Variants in CAST observed in about 807,000 individuals in gnomAD.
The protein encoded by CAST is MIR583 host.
A neutral mutation model predicts 119.6 loss-of-function variants in CAST; 76 were observed. The ratio of observed to expected loss-of-function variants is 0.64; its 90% CI spans 0.53 to 0.77. The LOEUF (loss-of-function observed/expected upper bound fraction) is 0.77. CAST is among the 30% of genes least tolerant of loss of function. The probability of loss-of-function intolerance (pLI) is 0.00; values close to 1 mark genes in which losing one functional copy is unlikely to be tolerated. For missense variants in CAST, 953 were observed against 946.5 expected (o/e 1.01, Z -0.09); for synonymous variants, 319 against 331.6 (o/e 0.96, Z 0.41).
intron 2 of CAST, among the ~76,000 whole-genome samples, chr5:96,693,278 C>T (rs559076319): frequency 6.6e-6 from 1 of 152,318 alleles, no homozygotes; most frequent in East Asian, 1.9e-4. Context: ...AGTTAAAAAA[C>T]ATTTCGTTTA....
the CAST span, among the ~76,000 whole-genome samples, chr5:96,153,530 G>A: frequency 6.6e-6 from 1 of 152,134 alleles, no homozygotes; most frequent in South Asian, 2.1e-4. Context: ...TTTTATTCTT[G>A]CATTGGGCCC....
chr5:96,415,978 G>T, the CAST span: 1 of 1,073,548 alleles, frequency 9.3e-7, no homozygotes, highest in Non-Finnish European at 1.5e-6. Context: ...TTTACAATGG[G>T]TGATGTAAGC....
At chr5:96,469,976 A>T in the CAST span, among the ~76,000 whole-genome samples, 34 of 150,746 alleles carry the variant, frequency 2.3e-4, no homozygotes, top group Non-Finnish European at 1.8e-4. Context: ...ACATGATGTA[A>T]ATTAAAATGC....
chr5:95,962,352 T>G, the CAST span, among the ~76,000 whole-genome samples: 1 of 152,152 alleles, frequency 6.6e-6, no homozygotes, highest in Non-Finnish European at 1.5e-5. Flanking sequence ...GCTGTGGAAC[T>G]TGGTGCGTGC....
the CAST span, among the ~76,000 whole-genome samples, chr5:96,131,977 G>T: frequency 6.6e-6 from 1 of 152,086 alleles, no homozygotes; most frequent in Admixed American, 6.6e-5. Flanking sequence ...AGTCTAGAAA[G>T]CAAAAGCCAG....
At chr5:96,521,839 C>T (rs1163887903), upstream of CAST, among the ~76,000 whole-genome samples, 1 of 152,176 alleles carries the variant, frequency 6.6e-6, no homozygotes, top group East Asian at 1.9e-4. Flanking sequence ...AATGACTAGG[C>T]CGGGTGCGGT....
In CAST at chr5:96,581,893, A is replaced by AAAATAAATAAAT. The variant is rs10631862; in HGVS notation, c.60+52029_60+52040dup. ...GCGACAGAGCGAAACTCTGTCTCAA[A>AAAATAAATAAAT]AAATAAATAAATAAATAAATAAATA... On this transcript the variant is annotated intron_variant, in intron 1 of 11. Transcript: ENST00000505143. 1.4e-3 allele frequency among the ~76,000 whole-genome samples: 205 copies of AAAATAAATAAAT among 149,326 alleles called. 3 individuals are homozygous for AAAATAAATAAAT. The East Asian group carries it at 0.024, about 17-fold the overall frequency.
chr5:96,019,444 T>C, the CAST span, among the ~76,000 whole-genome samples: 1 of 152,202 alleles, frequency 6.6e-6, no homozygotes, highest in Non-Finnish European at 1.5e-5. Context: ...GGACTTGCTC[T>C]GGGGGAGCAA....
chr5:96,045,722 G>T, the CAST span, among the ~76,000 whole-genome samples: 1 of 152,138 alleles, frequency 6.6e-6, no homozygotes, highest in African/African-American at 2.4e-5. Flanking sequence ...CCTGCTGAAG[G>T]TCACATAGTA....
chr5:96,695,244 G>A (rs1280474618), intron 2 of CAST, among the ~76,000 whole-genome samples: 1 of 152,094 alleles, frequency 6.6e-6, no homozygotes, highest in Non-Finnish European at 1.5e-5. Flanking sequence ...AGAGTACTTA[G>A]AATAACGTTC....
chr5:96,538,429 T>C (rs1482513945), intron 1 of CAST, among the ~76,000 whole-genome samples: 1 of 152,232 alleles, frequency 6.6e-6, no homozygotes, highest in Non-Finnish European at 1.5e-5. Context: ...GAAAGCCTTT[T>C]GGAAATCAAC....
At chr5:96,662,333 C>T (rs1172715502), upstream of CAST, 14 of 1,134,064 alleles carry the variant, frequency 1.2e-5, 2 homozygotes, top group Non-Finnish European at 1.6e-5. Context: ...CCCTCCCTCC[C>T]TCCCTCTCTC....
At chr5:96,261,775 T>C in the CAST span, among the ~76,000 whole-genome samples, 2 of 152,236 alleles carry the variant, frequency 1.3e-5, no homozygotes, top group Admixed American at 1.3e-4. Context: ...TAAATACTTT[T>C]AGTTAATTTA....
At chr5:96,393,064 A>G in the CAST span, 14 of 1,614,072 alleles carry the variant, frequency 8.7e-6, no homozygotes, top group South Asian at 1.3e-4. Flanking sequence ...TGTGCTTGTA[A>G]GGTTTAGTGT....
At chr5:96,315,553 C>T in the CAST span, among the ~76,000 whole-genome samples, 1 of 152,188 alleles carries the variant, frequency 6.6e-6, no homozygotes, top group Non-Finnish European at 1.5e-5. Flanking sequence ...GGTGAAGTCA[C>T]TGACCATATG....
chr5:96,072,372 G>A, the CAST span, among the ~76,000 whole-genome samples: 1 of 152,244 alleles, frequency 6.6e-6, no homozygotes, highest in African/African-American at 2.4e-5. Flanking sequence ...TACGGCTGGA[G>A]AACATGAATT....
At chr5:96,207,409 C>T in the CAST span, among the ~76,000 whole-genome samples, 2 of 151,982 alleles carry the variant, frequency 1.3e-5, no homozygotes, top group Non-Finnish European at 2.9e-5. Flanking sequence ...CCAGCTTTTG[C>T]CCATTCAGTA....
the CAST span, among the ~76,000 whole-genome samples, chr5:96,147,079 C>T: frequency 2.0e-5 from 3 of 152,186 alleles, no homozygotes; most frequent in Non-Finnish European, 4.4e-5. Flanking sequence ...TTTAGTGCCC[C>T]ATGTTCTGTG....
chr5:96,027,760 C>A, the CAST span, among the ~76,000 whole-genome samples: 2 of 152,058 alleles, frequency 1.3e-5, no homozygotes, highest in Non-Finnish European at 2.9e-5. Flanking sequence ...CCAAAATATC[C>A]TTGCAACTTT....
Sources: gnomAD v4.1 joint callset for allele counts (sites outside exome capture counted in the v4.1 genomes callset) on GRCh38, gnomAD v4.1.1 for gene constraint, MANE v1.5 for transcripts, NCBI Gene and HGNC (gene_info 2026-07-23, HGNC 2026-07-21) for gene names.